NRXN3: variants seen among roughly 807,000 people sequenced by gnomAD.
NRXN3 encodes neurexin 3.
In NRXN3, 32 loss-of-function variants were observed where a neutral mutation model predicts 137.6. That is an observed-to-expected ratio of 0.23 (90% CI 0.18 to 0.31). The LOEUF is 0.31. Ranked by LOEUF, NRXN3 falls within the 10% of genes least tolerant of loss-of-function variation. The probability of loss-of-function intolerance (pLI) is 1.00; values close to 1 mark genes in which losing one functional copy is unlikely to be tolerated. For synonymous variants in NRXN3, 798 were observed against 784.5 expected (o/e 1.02, Z -0.29); for missense variants, 1,574 against 2,062.5 (o/e 0.76, Z 4.59).
rs141361611 is a variant in NRXN3 at position 78,635,237 on chromosome 14, T to G, written c.758-9883T>G. Among the ~76,000 whole-genome samples the G allele has an allele frequency of 9.3e-4, 142 of 152,340 alleles. 1 individual carries two copies. Among genetic ancestry groups the G allele is most frequent in the African/African-American group, 3.3e-3 (136 of 41,588 alleles). ...TAATTGTTACAGAGAATTCTTTACT[T>G]GTTTTCATCTTGGGCTAAAGAGATA... On this transcript the variant is annotated intron_variant, in intron 4 of 20. Transcript: ENST00000335750.
At chr14:78,996,515 G>A (rs534209361) in intron 15 of NRXN3, among the ~76,000 whole-genome samples, 3 of 152,284 alleles carry the variant, frequency 2.0e-5, no homozygotes, top group Admixed American at 6.5e-5. Flanking sequence ...AGAGCTTAAC[G>A]ACTTTTGTTA....
At chr14:78,716,803 AAAGG>A (rs2098436228) in intron 8 of NRXN3, among the ~76,000 whole-genome samples, 1 of 152,238 alleles carries the variant, frequency 6.6e-6, no homozygotes, top group African/African-American at 2.4e-5. Flanking sequence ...ACATGAGGAC[AAAGG>A]AAGAAAAGAG....
chr14:78,919,590 A>G (rs903090659), intron 10 of NRXN3, among the ~76,000 whole-genome samples: 1 of 152,170 alleles, frequency 6.6e-6, no homozygotes, highest in Non-Finnish European at 1.5e-5. Flanking sequence ...CATCATAGTC[A>G]AAAAATGCTT....
intron 19 of NRXN3, among the ~76,000 whole-genome samples, chr14:79,713,478 G>GTGTATATATATATA (rs145838618): frequency 7.4e-6 from 1 of 135,370 alleles, no homozygotes; most frequent in African/African-American, 2.7e-5. Flanking sequence ...TATATATAAT[G>GTGTATATATATATA]TATATATATA....
chr14:79,523,759 A>G (rs536771091), intron 16 of NRXN3, among the ~76,000 whole-genome samples: 1 of 152,360 alleles, frequency 6.6e-6, no homozygotes, highest in African/African-American at 2.4e-5. Context: ...AGGTGGTTGT[A>G]TAAGTATGTA....
At chr14:78,373,907 A>G (rs2087319786) in intron 4 of NRXN3, among the ~76,000 whole-genome samples, 1 of 152,232 alleles carries the variant, frequency 6.6e-6, no homozygotes, top group African/African-American at 2.4e-5. Flanking sequence ...AACTTGAGCT[A>G]CCAGAATAAT....
intron 4 of NRXN3, among the ~76,000 whole-genome samples, chr14:78,451,308 T>C (rs2153706185): frequency 6.6e-6 from 1 of 152,330 alleles, no homozygotes; most frequent in East Asian, 1.9e-4. Flanking sequence ...CAAACAAACC[T>C]AAACCAAACA....
intron 15 of NRXN3, among the ~76,000 whole-genome samples, chr14:79,171,976 C>T (rs2061828243): frequency 6.6e-6 from 1 of 151,962 alleles, no homozygotes; most frequent in Non-Finnish European, 1.5e-5. Context: ...TTTACTTTAT[C>T]TTGCAACAGT....
At position 78,967,268 on chromosome 14, in the gene NRXN3, C is replaced by T; in HGVS notation, c.2838C>T (p.Asp946=). 3.7e-6 allele frequency: 6 copies of T among 1,613,638 alleles called. No homozygotes were observed. The highest frequency in any genetic ancestry group is 1.6e-4 in the Middle Eastern group (1 of 6,062). Residue 946 remains aspartate, a synonymous_variant, in exon 13 of 21, where the codon GAC becomes GAT. Coordinates refer to ENST00000335750, the MANE Select transcript of NRXN3 (RefSeq NM_001330195.2). ...NGPNVIKGNS[D]RPLNDNQWHN... is the part of the protein sequence containing the mutation. ...CCAATGTGATCAAAGGCAACAGTGACCGCCCCCTGAATGACAACCAGTGGC... is the reference window on the plus strand; with the variant it reads ...CCAATGTGATCAAAGGCAACAGTGATCGCCCCCTGAATGACAACCAGTGGC...
intron 19 of NRXN3, among the ~76,000 whole-genome samples, chr14:79,788,774 C>T (rs558357329): frequency 6.6e-6 from 1 of 152,140 alleles, no homozygotes; most frequent in East Asian, 1.9e-4. Flanking sequence ...AGTGTGATTC[C>T]AAGAAACTAT....
chr14:78,652,778 T>C, intron 6 of NRXN3, among the ~76,000 whole-genome samples: 1 of 152,262 alleles, frequency 6.6e-6, no homozygotes, highest in South Asian at 2.1e-4. Flanking sequence ...TGTCTATTTA[T>C]CTGATAATCA....
At chr14:78,733,906 T>C (rs925303155) in intron 8 of NRXN3, among the ~76,000 whole-genome samples, 5 of 152,092 alleles carry the variant, frequency 3.3e-5, no homozygotes, top group African/African-American at 1.2e-4. Context: ...GAATAACAGG[T>C]GGCTGCCTCC....
intron 15 of NRXN3, among the ~76,000 whole-genome samples, chr14:79,442,535 A>G (rs1326263808): frequency 2.6e-5 from 4 of 152,218 alleles, no homozygotes; most frequent in African/African-American, 7.2e-5. Context: ...TTCAGAGAAA[A>G]TAAGGTTTCT....
chr14:79,712,394 CAG>C (rs990982016), intron 19 of NRXN3, among the ~76,000 whole-genome samples: 213 of 152,274 alleles, frequency 1.4e-3, no homozygotes, highest in African/African-American at 5.0e-3. Context: ...AATAAATGTT[CAG>C]AGTTTGTTAT....
chr14:79,767,923 C>A (rs980347481), intron 19 of NRXN3, among the ~76,000 whole-genome samples: 1 of 152,180 alleles, frequency 6.6e-6, no homozygotes, highest in African/African-American at 2.4e-5. Flanking sequence ...ATGCACCGTG[C>A]GCGAGCCAAA....
intron 8 of NRXN3, among the ~76,000 whole-genome samples, chr14:78,721,501 G>A (rs2098459538): frequency 6.6e-6 from 1 of 152,122 alleles, no homozygotes; most frequent in Non-Finnish European, 1.5e-5. Context: ...AGAGAGAAAG[G>A]TGAATGAAGG....
intron 19 of NRXN3, among the ~76,000 whole-genome samples, chr14:79,698,614 C>A (rs942705460): frequency 2.0e-5 from 3 of 151,924 alleles, no homozygotes; most frequent in Non-Finnish European, 4.4e-5. Flanking sequence ...GTAATTATAT[C>A]CAAACTAAGC....
At chr14:79,167,114 G>A (rs528142706) in intron 15 of NRXN3, among the ~76,000 whole-genome samples, 1 of 152,054 alleles carries the variant, frequency 6.6e-6, no homozygotes, top group East Asian at 1.9e-4. Flanking sequence ...TATCCTATGT[G>A]TATCAATAGC....
intron 1 of NRXN3, among the ~76,000 whole-genome samples, chr14:78,225,285 C>T (rs368855340): frequency 4.5e-4 from 68 of 152,204 alleles, no homozygotes; most frequent in Admixed American, 1.0e-3. Context: ...TTTTAATGAT[C>T]GCCATTCTAA....
Sources: allele counts gnomAD v4.1 joint callset (sites outside exome capture counted in the v4.1 genomes callset), GRCh38; gene constraint gnomAD v4.1.1; transcripts MANE v1.5; gene names NCBI Gene and HGNC (gene_info 2026-07-23, HGNC 2026-07-21).